PARD3: variants seen among roughly 807,000 people sequenced by gnomAD.
The protein encoded by PARD3 is par-3 family cell polarity regulator, also known as partitioning defective 3 homolog.
In PARD3, 75 loss-of-function variants were observed where a neutral mutation model predicts 155.4. The observed-to-expected ratio is 0.48, with a 90% CI of 0.40 to 0.58. PARD3 has a LOEUF of 0.58. Among genes scored for constraint, PARD3 ranks in the 20% least tolerant of loss-of-function variants. PARD3 has a pLI of 0.00. For synonymous variants in PARD3, 576 were observed against 610.5 expected, an observed-to-expected ratio of 0.94 and a Z score of 0.83; for missense variants, 1,642 against 1,721.7, an observed-to-expected ratio of 0.95 and a Z score of 0.82.
intron 22 of PARD3, among the ~76,000 whole-genome samples, chr10:34,262,210 T>C (rs1329174855): frequency 1.3e-5 from 2 of 152,082 alleles, no homozygotes; most frequent in Non-Finnish European, 2.9e-5. Context: ...TTTCTACATA[T>C]GCTTAAATTA....
chr10:34,366,136 A>G (rs1839946874), intron 12 of PARD3, among the ~76,000 whole-genome samples: 1 of 152,200 alleles, frequency 6.6e-6, no homozygotes, highest in Non-Finnish European at 1.5e-5. Flanking sequence ...AGAAATTGAT[A>G]GAGGGTTATA....
intron 1 of PARD3, among the ~76,000 whole-genome samples, chr10:34,774,669 T>C (rs1258428590): frequency 6.6e-6 from 1 of 152,086 alleles, no homozygotes; most frequent in African/African-American, 2.4e-5. Flanking sequence ...AAAGCAGCAA[T>C]TGAAAACCAC....
intron 1 of PARD3, among the ~76,000 whole-genome samples, chr10:34,749,946 C>CA (rs1388139571): frequency 2.0e-5 from 3 of 151,846 alleles, no homozygotes; most frequent in African/African-American, 7.3e-5. Context: ...CCCTTGAGCC[C>CA]AATAGGCGAA....
Position 34,453,679 on chromosome 10 carries a change from T to C in PARD3, c.583-3231A>G, listed in dbSNP as rs144132466. ...TTATACTAAAAGATGTATACCACTG[T>C]TATATGCCTATTTCAACTTCCTGTC... On this transcript the variant is annotated intron_variant, in intron 4 of 24. Transcript: ENST00000374788. Among the ~76,000 whole-genome samples, 105 of 152,336 alleles carry C rather than the reference T, an allele frequency of 6.9e-4. 1 individual carries two copies. In the South Asian group the frequency reaches 7.9e-3, roughly 11 times the overall value.
intron 2 of PARD3, among the ~76,000 whole-genome samples, chr10:34,560,277 A>T (rs2085358935): frequency 6.6e-6 from 1 of 152,176 alleles, no homozygotes; most frequent in African/African-American, 2.4e-5. Context: ...TAGGTTCTAT[A>T]CAGGGGTGCT....
intron 24 of PARD3, among the ~76,000 whole-genome samples, chr10:34,115,263 C>T (rs2132645481): frequency 6.6e-6 from 1 of 152,060 alleles, no homozygotes; most frequent in East Asian, 1.9e-4. Flanking sequence ...GAAGTCAGAC[C>T]ACAGCAGACA....
At chr10:34,240,443 C>G (rs746907508) in intron 22 of PARD3, among the ~76,000 whole-genome samples, 8 of 152,126 alleles carry the variant, frequency 5.3e-5, no homozygotes, top group Non-Finnish European at 1.0e-4. Flanking sequence ...AAAAGTATCA[C>G]TTTCATATTC....
intron 14 of PARD3, among the ~76,000 whole-genome samples, chr10:34,355,605 G>T (rs1183816342): frequency 6.6e-6 from 1 of 152,066 alleles, no homozygotes; most frequent in African/African-American, 2.4e-5. Context: ...AGGGAGTGGA[G>T]ATCAGCTAGG....
intron 3 of PARD3, among the ~76,000 whole-genome samples, chr10:34,509,778 G>T (rs754126591): frequency 6.6e-5 from 10 of 151,604 alleles, no homozygotes; most frequent in Non-Finnish European, 1.3e-4. Flanking sequence ...ACAAACACAC[G>T]CATCGAAAAA....
intron 1 of PARD3, among the ~76,000 whole-genome samples, chr10:34,800,906 C>T (rs115810708): frequency 1.9e-3 from 282 of 152,262 alleles, no homozygotes; most frequent in African/African-American, 6.3e-3. Context: ...TACCACTCCC[C>T]GGAATCTATA....
chr10:34,328,954 G>C (rs1324915358), intron 19 of PARD3, among the ~76,000 whole-genome samples: 1 of 152,200 alleles, frequency 6.6e-6, no homozygotes, highest in Non-Finnish European at 1.5e-5. Context: ...TAGGTGCAGC[G>C]TGTTTTAGGG....
chr10:34,163,841 A>G (rs553006709), intron 22 of PARD3, among the ~76,000 whole-genome samples: 1 of 152,316 alleles, frequency 6.6e-6, no homozygotes, highest in South Asian at 2.1e-4. Flanking sequence ...GGAAGAAGGA[A>G]GGAGTCCAAT....
intron 1 of PARD3, among the ~76,000 whole-genome samples, chr10:34,788,387 C>T (rs1841241208): frequency 6.6e-6 from 1 of 151,910 alleles, no homozygotes; most frequent in Non-Finnish European, 1.5e-5. Context: ...TAAGATCAGC[C>T]ACCACCACCA....
chr10:34,655,994 C>T (rs1411690023), intron 2 of PARD3, among the ~76,000 whole-genome samples: 1 of 152,088 alleles, frequency 6.6e-6, no homozygotes, highest in Non-Finnish European at 1.5e-5. Flanking sequence ...TGTTCTTCAA[C>T]GTGAACTCAA....
intron 1 of PARD3, among the ~76,000 whole-genome samples, chr10:34,814,318 A>G (rs1005256115): frequency 1.3e-5 from 2 of 151,744 alleles, no homozygotes; most frequent in South Asian, 2.1e-4. Flanking sequence ...GGCCCCTACC[A>G]GCAGGGGACA....
rs1030160967 is a variant in PARD3 at position 34,149,113 on chromosome 10, G to T, written c.3420-17530C>A. Among the ~76,000 whole-genome samples, 9 of 152,108 alleles carry T rather than the reference G, an allele frequency of 5.9e-5. No homozygotes were observed. In the East Asian group the frequency reaches 1.7e-3, roughly 29 times the overall value. ...TGAATCTTATAATTGATTAAAAATGGTGATGGTATGTATTAAAATTAGCAC... is the reference window on the plus strand; with the variant it reads ...TGAATCTTATAATTGATTAAAAATGTTGATGGTATGTATTAAAATTAGCAC... On this transcript the variant is annotated intron_variant, in intron 22 of 24. Transcript: ENST00000374788.
At chr10:34,343,365 T>A (rs755890992) in intron 15 of PARD3, 167 of 982,922 alleles carry the variant, frequency 1.7e-4, no homozygotes, top group Middle Eastern at 5.2e-4. Flanking sequence ...CAAAGCAATA[T>A]GAACACTGAA....
At chr10:34,498,385 A>C (rs1245379104) in intron 3 of PARD3, among the ~76,000 whole-genome samples, 1 of 152,238 alleles carries the variant, frequency 6.6e-6, no homozygotes, top group Non-Finnish European at 1.5e-5. Context: ...TTTAAGACAT[A>C]TTAGTCACTG....
chr10:34,448,312 A>G (rs1247793890), intron 5 of PARD3, among the ~76,000 whole-genome samples: 4 of 147,508 alleles, frequency 2.7e-5, no homozygotes, highest in Admixed American at 2.1e-4. Context: ...GATTTTACTT[A>G]TAAGTGGAAT....
Sources: gnomAD v4.1 joint callset for allele counts (sites outside exome capture counted in the v4.1 genomes callset) on GRCh38, gnomAD v4.1.1 for gene constraint, MANE v1.5 for transcripts, NCBI Gene and HGNC (gene_info 2026-07-23, HGNC 2026-07-21) for gene names.